DRC10: variants seen among roughly 807,000 people sequenced by gnomAD.
The protein encoded by DRC10 is dynein regulatory complex subunit 10.
At chr12:113,201,948 C>T in the DRC10 span, among the ~76,000 whole-genome samples, 5 of 152,238 alleles carry the variant, frequency 3.3e-5, no homozygotes, top group African/African-American at 4.8e-5. Context: ...CCTCACTGTA[C>T]ACTGAGGTTC....
the DRC10 span, among the ~76,000 whole-genome samples, chr12:113,205,200 C>A: frequency 3.6e-4 from 54 of 151,288 alleles, no homozygotes; most frequent in African/African-American, 1.1e-3. Flanking sequence ...TAAGTACTTA[C>A]AATAATTTGT....
chr12:113,220,618 T>C, the DRC10 span, among the ~76,000 whole-genome samples: 1 of 152,136 alleles, frequency 6.6e-6, no homozygotes, highest in African/African-American at 2.4e-5. Flanking sequence ...TGAAGTGAGA[T>C]TGCCTGCTCA....
chr12:113,195,889 C>A, the DRC10 span: 1 of 1,600,332 alleles, frequency 6.2e-7, no homozygotes, highest in Non-Finnish European at 8.5e-7. Context: ...TCCAACTCCT[C>A]CTGGGGTGAG....
At chr12:113,201,798 T>C in the DRC10 span, among the ~76,000 whole-genome samples, 2 of 152,226 alleles carry the variant, frequency 1.3e-5, no homozygotes, top group Admixed American at 1.3e-4. Context: ...GCTCACTTCC[T>C]GCACACTGGG....
the DRC10 span, among the ~76,000 whole-genome samples, chr12:113,219,702 T>A: frequency 2.6e-5 from 4 of 152,218 alleles, no homozygotes; most frequent in Non-Finnish European, 5.9e-5. Flanking sequence ...ACAGGGTTTT[T>A]CGCTCTGTCG....
At chr12:113,216,520 TA>T in the DRC10 span, among the ~76,000 whole-genome samples, 130 of 152,284 alleles carry the variant, frequency 8.5e-4, no homozygotes, top group Middle Eastern at 3.4e-3. Context: ...ATCCCTTATG[TA>T]AACTATGGAA....
chr12:113,195,584 G>C, the DRC10 span: 1 of 1,592,258 alleles, frequency 6.3e-7, no homozygotes, highest in Non-Finnish European at 8.6e-7. Context: ...CTCATTTCTT[G>C]CCCTTGCCCT....
chr12:113,198,564 G>T, the DRC10 span, among the ~76,000 whole-genome samples: 1 of 152,232 alleles, frequency 6.6e-6, no homozygotes, highest in East Asian at 1.9e-4. Flanking sequence ...CATATGAAGT[G>T]TCTAGAATAG....
At chr12:113,195,979 C>G in the DRC10 span, 1 of 1,486,902 alleles carries the variant, frequency 6.7e-7, no homozygotes, top group Non-Finnish European at 8.9e-7. Context: ...CCCAAATGGT[C>G]TTCTGCCCCA....
At chr12:113,196,963 A>T in the DRC10 span, among the ~76,000 whole-genome samples, 1 of 152,236 alleles carries the variant, frequency 6.6e-6, no homozygotes, top group African/African-American at 2.4e-5. Flanking sequence ...AAGGTCAAGT[A>T]CCTTGCTTAA....
At chr12:113,216,021 A>G in the DRC10 span, among the ~76,000 whole-genome samples, 2 of 152,188 alleles carry the variant, frequency 1.3e-5, no homozygotes, top group South Asian at 4.1e-4. Flanking sequence ...TGTTTACCCA[A>G]AGGAGTTGAA....
the DRC10 span, among the ~76,000 whole-genome samples, chr12:113,205,838 G>A: frequency 4.1e-5 from 6 of 146,984 alleles, no homozygotes; most frequent in South Asian, 8.7e-4. Flanking sequence ...GCAGTGAGCC[G>A]AGATTGCGCC....
At chr12:113,206,305 G>A in the DRC10 span, among the ~76,000 whole-genome samples, 5 of 151,866 alleles carry the variant, frequency 3.3e-5, no homozygotes, top group Admixed American at 6.6e-5. Context: ...TACCTGAACC[G>A]GTCCAAGCAA....
chr12:113,205,159 C>T, the DRC10 span, among the ~76,000 whole-genome samples: 1 of 151,938 alleles, frequency 6.6e-6, no homozygotes, highest in Non-Finnish European at 1.5e-5. Flanking sequence ...GCTGGAACCA[C>T]ATGGGCTTAT....
At chr12:113,205,902 CAAAAAAAAAA>C in the DRC10 span, among the ~76,000 whole-genome samples, 1 of 47,990 alleles carries the variant, frequency 2.1e-5, no homozygotes, top group Admixed American at 2.3e-4. Flanking sequence ...GACTCCGTCT[CAAAAAAAAAA>C]AAAAAAAAAA....
the DRC10 span, among the ~76,000 whole-genome samples, chr12:113,201,422 T>C: frequency 6.6e-6 from 1 of 151,940 alleles, no homozygotes; most frequent in Non-Finnish European, 1.5e-5. Flanking sequence ...CTTGCACGAG[T>C]GAAGGGTACA....
the DRC10 span, among the ~76,000 whole-genome samples, chr12:113,198,991 G>A: frequency 6.6e-6 from 1 of 152,188 alleles, no homozygotes; most frequent in South Asian, 2.1e-4. Flanking sequence ...AGGCTGGAGT[G>A]CAGTGGTGTG....
chr12:113,199,228 C>T, the DRC10 span, among the ~76,000 whole-genome samples: 2 of 152,090 alleles, frequency 1.3e-5, no homozygotes, highest in Non-Finnish European at 2.9e-5. Context: ...TGAGCCACTG[C>T]TCCCAGCCAA....
chr12:113,201,058 G>C, the DRC10 span, among the ~76,000 whole-genome samples: 2 of 152,044 alleles, frequency 1.3e-5, no homozygotes, highest in African/African-American at 4.8e-5. Context: ...AGAATCACTT[G>C]AATACAGGAA....
Sources: gnomAD v4.1 joint callset for allele counts (sites outside exome capture counted in the v4.1 genomes callset) on GRCh38, gnomAD v4.1.1 for gene constraint, MANE v1.5 for transcripts, NCBI Gene and HGNC (gene_info 2026-07-23, HGNC 2026-07-21) for gene names.